LAMA2: variants seen among roughly 807,000 people sequenced by gnomAD.
LAMA2 encodes laminin subunit alpha-2.
Under a neutral mutation model 364.8 loss-of-function variants are expected in LAMA2, and 269 were observed. The observed-to-expected ratio is 0.74, with a 90% CI of 0.67 to 0.82. The LOEUF (loss-of-function observed/expected upper bound fraction) is 0.82, where lower values mean the gene tolerates loss of function less well. Among genes scored for constraint, LAMA2 ranks in the 40% least tolerant of loss-of-function variants. LAMA2 has a pLI of 0.00. For missense variants in LAMA2, 3,807 were observed against 3,873.2 expected (o/e 0.98, Z 0.45); for synonymous variants, 1,379 against 1,370.6 (o/e 1.01, Z -0.14).
chr6:129,308,425 A>C (rs1429506309), intron 22 of LAMA2, among the ~76,000 whole-genome samples: 1 of 152,188 alleles, frequency 6.6e-6, no homozygotes, highest in African/African-American at 2.4e-5. Context: ...TTGAAATTGA[A>C]GTTGATACCT....
intron 1 of LAMA2, among the ~76,000 whole-genome samples, chr6:128,988,584 A>T (rs1482308723): frequency 6.6e-6 from 1 of 152,212 alleles, no homozygotes; most frequent in Non-Finnish European, 1.5e-5. Flanking sequence ...TCCGAGCATT[A>T]CCTGGACAAT....
In LAMA2 at chr6:129,395,702, CA is replaced by C. The variant is rs569427316; in HGVS notation, c.5445+2450del. ...CTACCATAATTATCACAGGCGTAAG[CA>C]AAGGAGGGAGTCTAAGTCACCCCTG... is the stretch of plus-strand genomic sequence containing the variant. On this transcript the variant is annotated intron_variant, in intron 37 of 64. Transcript: ENST00000421865. Among the ~76,000 whole-genome samples the C allele has an allele frequency of 1.2e-3, 183 of 152,300 alleles. 1 individual carries two copies. The highest frequency in any genetic ancestry group is 4.1e-3 in the African/African-American group (172 of 41,560).
chr6:129,048,640 A>C (rs1787772256), intron 1 of LAMA2, among the ~76,000 whole-genome samples: 1 of 135,762 alleles, frequency 7.4e-6, no homozygotes, highest in Non-Finnish European at 1.5e-5. Context: ...TTCTTGACAG[A>C]GTCTTCCTCT....
chr6:129,178,787 C>T (rs1780760334), intron 10 of LAMA2, among the ~76,000 whole-genome samples: 1 of 151,822 alleles, frequency 6.6e-6, no homozygotes, highest in Non-Finnish European at 1.5e-5. Context: ...TGTACATATA[C>T]AACCATTAAG....
intron 29 of LAMA2, among the ~76,000 whole-genome samples, chr6:129,339,605 G>C (rs1429389542): frequency 6.6e-6 from 1 of 152,114 alleles, no homozygotes; most frequent in Non-Finnish European, 1.5e-5. Context: ...ACCAAAGTTA[G>C]AATTAAGGGC....
chr6:128,947,354 G>C lies in LAMA2; in HGVS notation c.112+63997G>C, dbSNP rs995748371. Among the ~76,000 whole-genome samples the C allele has an allele frequency of 4.6e-5, 7 of 152,208 alleles. No individual in the cohort carries two copies. The East Asian group carries it at 1.4e-3, about 29-fold the overall frequency. ...GTCAACTCTTTCATGAAAATTAATT[G>C]CTATTTATGTTTCCATCTATAAGAA... On this transcript the variant is annotated intron_variant, in intron 1 of 64. Transcript: ENST00000421865.
At chr6:129,139,378 A>G (rs79252466) in intron 4 of LAMA2, among the ~76,000 whole-genome samples, 12,029 of 152,128 alleles carry the variant, frequency 0.079, 591 homozygotes, top group Non-Finnish European at 0.11. Context: ...TGTACCGAAC[A>G]TGTGCAGACT....
chr6:129,038,613 T>C (rs1468638182), intron 1 of LAMA2, among the ~76,000 whole-genome samples: 1 of 152,216 alleles, frequency 6.6e-6, no homozygotes, highest in African/African-American at 2.4e-5. Context: ...CTGATATGAC[T>C]ATCTCTACTC....
At chr6:129,352,507 G>T (rs989454252) in intron 31 of LAMA2, among the ~76,000 whole-genome samples, 2 of 152,216 alleles carry the variant, frequency 1.3e-5, no homozygotes, top group Non-Finnish European at 2.9e-5. Context: ...GAAAATCTGA[G>T]TAGCCTATTG....
At chr6:128,929,590 C>G in intron 1 of LAMA2, 1 of 1,286,380 alleles carries the variant, frequency 7.8e-7, no homozygotes, top group Non-Finnish European at 1.1e-6. Context: ...GTTCTGGAGC[C>G]CCAGATGCCG....
intron 12 of LAMA2, among the ~76,000 whole-genome samples, chr6:129,238,671 C>A (rs1404271573): frequency 6.6e-6 from 1 of 151,952 alleles, no homozygotes; most frequent in Non-Finnish European, 1.5e-5. Context: ...CAAGGATGCA[C>A]TATAGTATCA....
At chr6:129,242,219 A>G (rs560546980) in intron 12 of LAMA2, among the ~76,000 whole-genome samples, 3 of 152,286 alleles carry the variant, frequency 2.0e-5, no homozygotes, top group African/African-American at 7.2e-5. Context: ...ATAGCCATCT[A>G]CTGTCCAACA....
intron 1 of LAMA2, among the ~76,000 whole-genome samples, chr6:129,011,168 C>G (rs1784748389): frequency 6.6e-6 from 1 of 152,092 alleles, no homozygotes; most frequent in Non-Finnish European, 1.5e-5. Context: ...TGTCACCCTG[C>G]TCATTTCACT....
chr6:128,951,721 A>G (rs9482960), intron 1 of LAMA2, among the ~76,000 whole-genome samples: 32,017 of 152,034 alleles, frequency 0.21, 4,905 homozygotes, highest in African/African-American at 0.43. Flanking sequence ...TGTCCCCAAA[A>G]CTGTTGATAT....
chr6:129,050,257 T>C (rs754767455), intron 2 of LAMA2, among the ~76,000 whole-genome samples, 169 bp downstream of exon 2: 3 of 152,214 alleles, frequency 2.0e-5, no homozygotes, highest in African/African-American at 4.8e-5. Context: ...GCAAACATTA[T>C]TGGAGTTCCT....
At chr6:129,442,769 C>T (rs1399374869) in intron 43 of LAMA2, 2 of 434,736 alleles carry the variant, frequency 4.6e-6, no homozygotes, top group Non-Finnish European at 8.6e-6. Flanking sequence ...TTAATCCTAT[C>T]CTCTATTATG....
intron 18 of LAMA2, among the ~76,000 whole-genome samples, chr6:129,283,147 T>C (rs1788844246): frequency 6.6e-6 from 1 of 151,682 alleles, no homozygotes; most frequent in African/African-American, 2.4e-5. Context: ...AAAAAAAGAG[T>C]CAGAGAGTGA....
At chr6:129,473,146 A>G (rs1012645438) in intron 51 of LAMA2, 68 bp from the exon 52 acceptor site, 1 of 1,257,346 alleles carries the variant, frequency 8.0e-7, no homozygotes, top group Middle Eastern at 1.9e-4. Flanking sequence ...GTCTTGAAGT[A>G]TTAATGATGA....
intron 3 of LAMA2, among the ~76,000 whole-genome samples, chr6:129,081,180 G>A (rs529633965): frequency 1.3e-5 from 2 of 151,792 alleles, no homozygotes; most frequent in South Asian, 4.2e-4. Context: ...ACTCATAGGT[G>A]GGAAACGAAC....
Sources: gnomAD v4.1 joint callset for allele counts (sites outside exome capture counted in the v4.1 genomes callset) on GRCh38, gnomAD v4.1.1 for gene constraint, MANE v1.5 for transcripts, NCBI Gene and HGNC (gene_info 2026-07-23, HGNC 2026-07-21) for gene names.